The following PPTC7 variants were observed in gnomAD, a reference collection of about 807,000 sequenced individuals.
The protein encoded by PPTC7 is protein phosphatase targeting COQ7.
A neutral mutation model predicts 30.8 loss-of-function variants in PPTC7; 6 were observed. The ratio of observed to expected loss-of-function variants is 0.19; its 90% CI spans 0.11 to 0.38. The LOEUF (loss-of-function observed/expected upper bound fraction) is 0.38. Among genes scored for constraint, PPTC7 ranks in the 10% least tolerant of loss-of-function variants. PPTC7 has a pLI of 1.00. For missense variants in PPTC7, 218 were observed against 404.8 expected (o/e 0.54, Z 3.96); for synonymous variants, 163 against 168.1 (o/e 0.97, Z 0.23).
Position 110,580,751 on chromosome 12 carries a change from T to C in PPTC7, c.223+2058A>G, listed in dbSNP as rs1047846798. ...TTTCACAAAAGTCGCATACAGATTT[T>C]TTATTTTATTTTTTTTTTGAGACGG... On this transcript the variant is annotated intron_variant, in intron 1 of 5. Transcript: ENST00000354300. Among the ~76,000 whole-genome samples the C allele has an allele frequency of 3.3e-5, 5 of 151,504 alleles. No homozygotes were observed. In the South Asian group the frequency reaches 1.0e-3, roughly 32 times the overall value.
chr12:110,582,907 C>T lies in PPTC7; in HGVS notation c.125G>A (p.Gly42Asp). The T allele has an allele frequency of 6.4e-7, 1 of 1,550,626 alleles. No homozygotes were observed. The highest frequency in any genetic ancestry group is 8.7e-7 in the Non-Finnish European group (1 of 1,147,508). ...GDYGLVTAGCGFGKDFRKGLL... is the reference protein window; with the variant it reads ...GDYGLVTAGCDFGKDFRKGLL... ...GCCCTTACGGAAGTCCTTCCCGAAG[C>T]CGCAGCCGGCCGTCACCAGTCCGTA... The change falls in exon 1 of 6, where the codon GGC (glycine) becomes GAC (aspartate). Residue 42 changes from glycine (G) to aspartate (D), a missense_variant. Coordinates refer to ENST00000354300, the MANE Select transcript of PPTC7 (RefSeq NM_139283.2).
At chr12:110,542,450 T>A (rs549131361) in intron 3 of PPTC7, among the ~76,000 whole-genome samples, 2 of 151,882 alleles carry the variant, frequency 1.3e-5, no homozygotes, top group Non-Finnish European at 2.9e-5. Context: ...GGTGGGCAGA[T>A]CACTTGAGGT....
At chr12:110,543,582 G>A (rs1019567089) in intron 3 of PPTC7, among the ~76,000 whole-genome samples, 1 of 152,146 alleles carries the variant, frequency 6.6e-6, no homozygotes, top group African/African-American at 2.4e-5. Flanking sequence ...TAATGACCAG[G>A]TTGGCACTGA....
intron 1 of PPTC7, among the ~76,000 whole-genome samples, chr12:110,557,340 T>G (rs2064397712): frequency 6.6e-6 from 1 of 152,222 alleles, no homozygotes; most frequent in Non-Finnish European, 1.5e-5. Flanking sequence ...AGTGGCCTGA[T>G]CATAGCTCAC....
At chr12:110,577,484 A>G (rs2135797705) in intron 1 of PPTC7, among the ~76,000 whole-genome samples, 1 of 152,240 alleles carries the variant, frequency 6.6e-6, no homozygotes, top group Non-Finnish European at 1.5e-5. Flanking sequence ...TAGAGGTTCT[A>G]TAAGTACATT....
rs1386059027 is a variant in PPTC7 at position 110,579,103 on chromosome 12, C to T, written c.223+3706G>A. Among the ~76,000 whole-genome samples, 24 of 151,862 alleles carry T rather than the reference C, an allele frequency of 1.6e-4. 1 individual carries two copies. The highest frequency in any genetic ancestry group is 1.6e-3 in the Admixed American group (24 of 15,232). ...GGCAGAGGTTGCAGCGAGCCAAAAT[C>T]GTGCCACTGCACTCCAGCCTGGGTG... is the stretch of plus-strand genomic sequence containing the variant. On this transcript the variant is annotated intron_variant, in intron 1 of 5. Coordinates refer to ENST00000354300, the MANE Select transcript of PPTC7 (RefSeq NM_139283.2).
chr12:110,579,674 T>C (rs553764153), intron 1 of PPTC7, among the ~76,000 whole-genome samples: 15 of 152,278 alleles, frequency 9.9e-5, no homozygotes, highest in African/African-American at 3.6e-4. Flanking sequence ...CCGTGACACC[T>C]GTCATTTGAG....
rs926647247 is a variant in PPTC7 at position 110,582,901 on chromosome 12, C to T, written c.131G>A (p.Gly44Glu). 1.9e-6 allele frequency: 3 copies of T among 1,552,058 alleles called. No individual in the cohort carries two copies. Among genetic ancestry groups the T allele is most frequent in the African/African-American group, 2.7e-5 (2 of 73,034 alleles). ...YGLVTAGCGF[G>E]KDFRKGLLKK... ...GAGGAGGCCCTTACGGAAGTCCTTC[C>T]CGAAGCCGCAGCCGGCCGTCACCAG... is the stretch of plus-strand genomic sequence containing the variant. The change falls in exon 1 of 6, where the codon GGG becomes GAG. Residue 44 changes from glycine to glutamate, a missense_variant. By Grantham distance (98) the Gly-to-Glu change is moderately conservative. Coordinates refer to ENST00000354300, the MANE Select transcript of PPTC7 (RefSeq NM_139283.2).
intron 5 of PPTC7, among the ~76,000 whole-genome samples, 165 bp downstream of exon 5, chr12:110,537,979 G>A (rs777565056): frequency 1.3e-4 from 20 of 152,276 alleles, no homozygotes; most frequent in Non-Finnish European, 1.6e-4. Context: ...AAGACATGAC[G>A]AAATGCACTT....
chr12:110,550,223 A>ATTTTT (rs796973487), intron 2 of PPTC7, among the ~76,000 whole-genome samples: 3 of 103,032 alleles, frequency 2.9e-5, no homozygotes, highest in Non-Finnish European at 4.0e-5. Context: ...ACAGGGGCTG[A>ATTTTT]TTTTTTTTTT....
intron 1 of PPTC7, among the ~76,000 whole-genome samples, chr12:110,579,844 T>C (rs1268191819): frequency 1.3e-5 from 2 of 151,946 alleles, no homozygotes; most frequent in Non-Finnish European, 2.9e-5. Context: ...GAAACCCCGT[T>C]TGTACTAAAA....
intron 1 of PPTC7, among the ~76,000 whole-genome samples, chr12:110,581,285 G>C (rs181189541): frequency 9.0e-4 from 137 of 152,166 alleles, no homozygotes; most frequent in Non-Finnish European, 1.6e-3. Context: ...ATGGTGATGG[G>C]CGCCTATAAT....
At chr12:110,555,812 T>C (rs1053600748) in intron 1 of PPTC7, among the ~76,000 whole-genome samples, 1 of 152,206 alleles carries the variant, frequency 6.6e-6, no homozygotes, top group Admixed American at 6.5e-5. Context: ...ATCATTTCAA[T>C]AGGAACTTCT....
Position 110,576,010 on chromosome 12 carries a change from C to G in PPTC7, c.223+6799G>C, listed in dbSNP as rs144866386. On this transcript the variant is annotated intron_variant, in intron 1 of 5. Transcript: ENST00000354300. ...CAGCAAACCTCCTCTATCCATCAAC[C>G]CTGTAATCTTATGTATTACAGAATG... Among the ~76,000 whole-genome samples, 533 of 152,186 alleles carry G rather than the reference C, an allele frequency of 3.5e-3. 2 individuals carry two copies. Among genetic ancestry groups the G allele is most frequent in the African/African-American group, 0.012 (500 of 41,518 alleles).
At chr12:110,573,175 C>T (rs1224037133) in intron 1 of PPTC7, among the ~76,000 whole-genome samples, 4 of 152,160 alleles carry the variant, frequency 2.6e-5, no homozygotes, top group Non-Finnish European at 4.4e-5. Flanking sequence ...CCACCACGTC[C>T]GGCCCTATGG....
intron 1 of PPTC7, among the ~76,000 whole-genome samples, chr12:110,569,692 T>C (rs1272917256): frequency 1.3e-5 from 2 of 152,254 alleles, no homozygotes; most frequent in Non-Finnish European, 2.9e-5. Flanking sequence ...AATAGGGCTA[T>C]ACTTTGCATT....
chr12:110,534,490 A>G lies in PPTC7; in HGVS notation c.*2547T>C, dbSNP rs371898440. ...AAGTGGTACAGCACAGTAACAACCC[A>G]TGGAAGCTTGGGTCTGTGACCTGGA... On this transcript the variant is annotated 3_prime_UTR_variant, in exon 6 of 6. Coordinates refer to ENST00000354300, the MANE Select transcript of PPTC7 (RefSeq NM_139283.2). 3.3e-5 allele frequency: 5 copies of G among 152,046 alleles called. No individual in the cohort carries two copies. The highest frequency in any genetic ancestry group is 1.2e-4 in the African/African-American group (5 of 41,364). 9.4% of individuals were successfully genotyped at this position (152,046 alleles called of 1,614,324 possible). A position where few individuals can be genotyped will look rare whatever the true frequency, so the allele number is the denominator to read the frequency against.
chr12:110,577,055 T>C (rs1213665295), intron 1 of PPTC7, among the ~76,000 whole-genome samples: 1 of 150,646 alleles, frequency 6.6e-6, no homozygotes, highest in Non-Finnish European at 1.5e-5. Flanking sequence ...TAATCCCAGC[T>C]ACTTGGGAGG....
chr12:110,544,447 A>C (rs1433258161), intron 3 of PPTC7, among the ~76,000 whole-genome samples: 1 of 152,220 alleles, frequency 6.6e-6, no homozygotes, highest in Non-Finnish European at 1.5e-5. Flanking sequence ...GGTCCTATAA[A>C]GCTATAAGAT....
Sources: gnomAD v4.1 joint callset for allele counts (sites outside exome capture counted in the v4.1 genomes callset) on GRCh38, gnomAD v4.1.1 for gene constraint, MANE v1.5 for transcripts, NCBI Gene and HGNC (gene_info 2026-07-23, HGNC 2026-07-21) for gene names.